Variants in EDEM3 observed in about 807,000 individuals in gnomAD.
EDEM3 encodes the protein ER degradation enhancing alpha-mannosidase like protein 3, also known as ER degradation-enhancing alpha-mannosidase-like protein 3.
A neutral mutation model predicts 110.2 loss-of-function variants in EDEM3; 60 were observed. That is an observed-to-expected ratio of 0.54 (90% CI 0.44 to 0.67). The LOEUF (loss-of-function observed/expected upper bound fraction) is 0.67, where lower values mean the gene tolerates loss of function less well. Among genes scored for constraint, EDEM3 ranks in the 30% least tolerant of loss-of-function variants. The pLI is 0.00. For synonymous variants in EDEM3, 352 were observed against 382.9 expected (o/e 0.92, Z 0.94); for missense variants, 996 against 1,121.0 (o/e 0.89, Z 1.59).
intron 11 of EDEM3, among the ~76,000 whole-genome samples, chr1:184,718,660 T>C (rs1452379956): frequency 6.6e-6 from 1 of 152,122 alleles, no homozygotes; most frequent in Admixed American, 6.5e-5. Flanking sequence ...ATTACTAATA[T>C]GATGTATAAA....
intron 6 of EDEM3, among the ~76,000 whole-genome samples, chr1:184,727,217 G>A (rs569559243): frequency 3.9e-4 from 60 of 152,334 alleles, no homozygotes; most frequent in African/African-American, 1.4e-3. Context: ...TTGAACTTGG[G>A]AGGTGGAGGT....
chr1:184,734,294 C>T (rs930107411), intron 5 of EDEM3, among the ~76,000 whole-genome samples: 2 of 152,074 alleles, frequency 1.3e-5, no homozygotes, highest in African/African-American at 2.4e-5. Flanking sequence ...CATGGTGAAA[C>T]CCCGTCTCTA....
chr1:184,754,707 C>A lies in EDEM3; in HGVS notation c.-61G>T. 2 of 1,463,396 alleles carry A rather than the reference C, an allele frequency of 1.4e-6. No individual in the cohort carries two copies. The highest frequency in any genetic ancestry group is 1.8e-6 in the Non-Finnish European group (2 of 1,111,858). The allele number at this position is 1,463,396 out of a possible 1,614,324, so 90.7% of individuals were successfully genotyped here. A position where few individuals can be genotyped will look rare whatever the true frequency, so the allele number is the denominator to read the frequency against. ...CCGGCCGGTGAGACACATTGCTGGA[C>A]GCTGGTGGCCAGGGGGCTGCTAGCC... On this transcript the variant is annotated 5_prime_UTR_variant, in exon 1 of 20. Coordinates refer to ENST00000318130, the MANE Select transcript of EDEM3 (RefSeq NM_025191.4).
Position 184,726,396 on chromosome 1 carries a change from A to G in EDEM3, c.613-7T>C, listed in dbSNP as rs1190568319. On this transcript the variant is annotated splice_polypyrimidine_tract_variant and splice_region_variant and intron_variant, in intron 6 of 19. Transcript: ENST00000318130. ...TGCCAAACTTTAAATTAATCTGAAT[A>G]CAATTAGAAAATTGTCATTAGCAGT... The G allele has an allele frequency of 6.2e-7, 1 of 1,611,418 alleles. No homozygotes were observed. Among genetic ancestry groups the G allele is most frequent in the Non-Finnish European group, 8.5e-7 (1 of 1,178,654 alleles).
At chr1:184,735,833 T>C (rs1248612759) in intron 4 of EDEM3, among the ~76,000 whole-genome samples, 5 of 152,126 alleles carry the variant, frequency 3.3e-5, no homozygotes, top group African/African-American at 9.7e-5. Flanking sequence ...CATACACATA[T>C]ACATTTTAGT....
intron 1 of EDEM3, among the ~76,000 whole-genome samples, chr1:184,751,317 G>A (rs1487334980): frequency 2.0e-5 from 3 of 150,796 alleles, no homozygotes; most frequent in South Asian, 4.2e-4. Context: ...TTCCTTCCCT[G>A]AAATGGAATA....
intron 15 of EDEM3, 25 bp from the exon 16 acceptor site, chr1:184,710,572 G>T (rs368902257): frequency 1.3e-6 from 2 of 1,558,166 alleles, no homozygotes; most frequent in South Asian, 1.2e-5. Context: ...TACAGGCAAG[G>T]CTTAAAAAAC....
intron 2 of EDEM3, 80 bp downstream of exon 2, chr1:184,749,467 G>A (rs16823421): frequency 0.058 from 63,307 of 1,090,984 alleles, 2,242 homozygotes; most frequent in African/African-American, 0.12. Flanking sequence ...TGTATTGTAG[G>A]TTTCAAAATT....
At position 184,754,497 on chromosome 1, in the gene EDEM3, C is replaced by A; in HGVS notation, c.150G>T (p.Gln50His). The A allele has an allele frequency of 1.9e-6, 3 of 1,613,292 alleles. No individual in the cohort carries two copies. The highest frequency in any genetic ancestry group is 2.5e-6 in the Non-Finnish European group (3 of 1,179,798). The change falls in exon 1 of 20, where the codon CAG (glutamine) becomes CAT (histidine). Residue 50 changes from glutamine to histidine, a missense_variant. Physicochemically the swap from Gln to His is conservative, Grantham distance 24. Around this residue, in one of 5 missense-constraint regions of EDEM3, gnomAD observed 200 missense variants for 183.8 expected, o/e 1.09. Coordinates refer to ENST00000318130, the MANE Select transcript of EDEM3 (RefSeq NM_025191.4). Reference sequence around the variant, plus strand: ...GCTGCCAGCACCCTTACCCAAGCTTCTGTTTCTCCTCCCTACTCATGGGCT... The same window carrying A: ...GCTGCCAGCACCCTTACCCAAGCTTATGTTTCTCCTCCCTACTCATGGGCT... Reference protein sequence around the residue: ...GAEPMSREEKQKLGNQVLEMF... With the variant: ...GAEPMSREEKHKLGNQVLEMF...
chr1:184,704,142 C>A (rs1296396159), intron 18 of EDEM3, among the ~76,000 whole-genome samples: 1 of 152,076 alleles, frequency 6.6e-6, no homozygotes, highest in African/African-American at 2.4e-5. Context: ...TAAAAATAAT[C>A]CATTTCTGTG....
chr1:184,737,120 A>T, intron 3 of EDEM3, 56 bp from the exon 4 acceptor site: 1 of 1,427,258 alleles, frequency 7.0e-7, no homozygotes, highest in South Asian at 1.2e-5. Flanking sequence ...TAGTTTATGA[A>T]TGTACAAGTA....
chr1:184,734,784 A>G, intron 4 of EDEM3, 141 bp from the exon 5 acceptor site: 1 of 329,564 alleles, frequency 3.0e-6, no homozygotes. Context: ...TATATTATAA[A>G]AATGTAATAA....
At chr1:184,709,981 A>G (rs1273765174) in intron 16 of EDEM3, among the ~76,000 whole-genome samples, 1 of 152,238 alleles carries the variant, frequency 6.6e-6, no homozygotes, top group Non-Finnish European at 1.5e-5. Flanking sequence ...AATACCTATG[A>G]TGAACAAAAT....
chr1:184,710,368 A>G, intron 16 of EDEM3, 26 bp downstream of exon 16: 13 of 1,606,658 alleles, frequency 8.1e-6, no homozygotes, highest in Non-Finnish European at 1.1e-5. Context: ...CAGAGACGGT[A>G]TCTAATTAGT....
At chr1:184,697,628 T>C (rs1649398152) in intron 19 of EDEM3, among the ~76,000 whole-genome samples, 2 of 151,868 alleles carry the variant, frequency 1.3e-5, no homozygotes, top group African/African-American at 2.4e-5. Flanking sequence ...GCTTCATAAA[T>C]GGTATTTAGT....
At position 184,720,509 on chromosome 1, in the gene EDEM3, C is replaced by CTTTTTTTTTTTTTTTTTTTTTT. The variant is rs34268021; in HGVS notation, c.951+779_951+780insAAAAAAAAAAAAAAAAAAAAAA. 1.3e-3 allele frequency: 165 copies of CTTTTTTTTTTTTTTTTTTTTTT among 127,404 alleles called. 19 individuals are homozygous for CTTTTTTTTTTTTTTTTTTTTTT. Among genetic ancestry groups the CTTTTTTTTTTTTTTTTTTTTTT allele is most frequent in the African/African-American group, 4.8e-3 (152 of 31,696 alleles). The allele number at this position is 127,404 out of a possible 1,614,324, so 7.9% of individuals were successfully genotyped here. On this transcript the variant is annotated intron_variant, in intron 9 of 19. Coordinates refer to ENST00000318130, the MANE Select transcript of EDEM3 (RefSeq NM_025191.4). ...AATTTAAACCAGTACATCTCCCATA[C>CTTTTTTTTTTTTTTTTTTTTTT]TTTTTTTTTTTTTTTTTTGAGACGG...
intron 19 of EDEM3, among the ~76,000 whole-genome samples, chr1:184,696,389 G>A (rs775701909): frequency 1.3e-5 from 2 of 151,776 alleles, no homozygotes; most frequent in Non-Finnish European, 2.9e-5. Flanking sequence ...GTGCACACAC[G>A]TACACATAAT....
chr1:184,736,026 A>C (rs1332106145), intron 4 of EDEM3, among the ~76,000 whole-genome samples: 1 of 152,154 alleles, frequency 6.6e-6, no homozygotes, highest in Non-Finnish European at 1.5e-5. Context: ...ATATTCCATT[A>C]ATCTCCAAAA....
intron 6 of EDEM3, among the ~76,000 whole-genome samples, chr1:184,726,691 A>G (rs921639622): frequency 6.6e-6 from 1 of 152,228 alleles, no homozygotes; most frequent in African/African-American, 2.4e-5. Context: ...GAAATTACAC[A>G]GAGAAGGTAT....
Sources: allele counts gnomAD v4.1 joint callset (sites outside exome capture counted in the v4.1 genomes callset), GRCh38; gene constraint gnomAD v4.1.1; regional missense constraint gnomAD v4.1.1; transcripts MANE v1.5; gene names NCBI Gene and HGNC (gene_info 2026-07-23, HGNC 2026-07-21).